Variants in SIL1 observed in about 807,000 individuals in gnomAD.
The protein encoded by SIL1 is SIL1 nucleotide exchange factor.
SIL1 carries 40 observed loss-of-function variants against 49.1 expected under a neutral mutation model. That is an observed-to-expected ratio of 0.81 (90% CI 0.63 to 1.06). The LOEUF (loss-of-function observed/expected upper bound fraction) is 1.06, where lower values mean the gene tolerates loss of function less well. SIL1 is among the 50% of genes least tolerant of loss of function. SIL1 has a pLI of 0.00. For synonymous variants in SIL1, 253 were observed against 250.8 expected, an observed-to-expected ratio of 1.01 and a Z score of -0.08; for missense variants, 500 against 572.6, an observed-to-expected ratio of 0.87 and a Z score of 1.29.
chr5:138,957,833 A>G (rs899379051), intron 7 of SIL1, among the ~76,000 whole-genome samples: 16 of 152,172 alleles, frequency 1.1e-4, no homozygotes, highest in African/African-American at 3.4e-4. Flanking sequence ...TAACACTGAC[A>G]CAGTAATCTA....
intron 5 of SIL1, 25 bp downstream of exon 5, chr5:139,042,595 A>G (rs748241355): frequency 6.3e-7 from 1 of 1,599,320 alleles, no homozygotes; most frequent in South Asian, 1.1e-5. Flanking sequence ...GCAGGCTTAT[A>G]CTCACAGGAA....
At chr5:139,132,151 G>A (rs958995934) in intron 1 of SIL1, among the ~76,000 whole-genome samples, 7 of 152,158 alleles carry the variant, frequency 4.6e-5, no homozygotes, top group Non-Finnish European at 8.8e-5. Context: ...AGAAGAGGAG[G>A]AAGAGCTAAA....
intron 3 of SIL1, among the ~76,000 whole-genome samples, chr5:139,120,791 C>T (rs1020048329): frequency 6.6e-6 from 1 of 152,178 alleles, no homozygotes; most frequent in Non-Finnish European, 1.5e-5. Flanking sequence ...CAATCACTTG[C>T]TCAGAAACCA....
chr5:138,950,493 G>A (rs908144783), intron 9 of SIL1, among the ~76,000 whole-genome samples: 7 of 152,194 alleles, frequency 4.6e-5, no homozygotes, highest in South Asian at 2.1e-4. Context: ...CAGTTCCAGC[G>A]GCTGCCCAGC....
intron 7 of SIL1, among the ~76,000 whole-genome samples, chr5:138,997,786 T>C (rs1367315732): frequency 6.6e-6 from 1 of 152,206 alleles, no homozygotes; most frequent in East Asian, 1.9e-4. Flanking sequence ...CTTGAACTCC[T>C]GACCTCAAGT....
chr5:139,114,422 T>C (rs191771899), intron 3 of SIL1, among the ~76,000 whole-genome samples: 1 of 152,296 alleles, frequency 6.6e-6, no homozygotes, highest in East Asian at 1.9e-4. Context: ...GCCCACCATC[T>C]TTTTTTCTCT....
Position 138,952,373 on chromosome 5 carries a change from G to A in SIL1, c.768-489C>T, listed in dbSNP as rs1391495417. Among the ~76,000 whole-genome samples the A allele has an allele frequency of 4.6e-5, 7 of 152,210 alleles. No individual in the cohort carries two copies. The East Asian group carries it at 5.8e-4, about 13-fold the overall frequency. ...CCCCATCCCTCTCCTCTCCTGGGTC[G>A]GCACTCAGACTGCACATAGAAAATG... On this transcript the variant is annotated intron_variant, in intron 7 of 9. Coordinates refer to ENST00000394817, the MANE Select transcript of SIL1 (RefSeq NM_022464.5).
At chr5:139,143,340 C>CATATATATATATATAT (rs1398396877) in intron 1 of SIL1, among the ~76,000 whole-genome samples, 32 of 85,150 alleles carry the variant, frequency 3.8e-4, no homozygotes, top group South Asian at 8.4e-4. Context: ...CACACACACA[C>CATATATATATATATAT]ACACATATAT....
chr5:138,977,468 T>C (rs1420012878), intron 7 of SIL1, among the ~76,000 whole-genome samples: 1 of 152,112 alleles, frequency 6.6e-6, no homozygotes, highest in Non-Finnish European at 1.5e-5. Context: ...GAGGAATCTT[T>C]TTTTTTTCCT....
chr5:139,154,301 G>A (rs1312098319), intron 1 of SIL1, among the ~76,000 whole-genome samples: 1 of 152,156 alleles, frequency 6.6e-6, no homozygotes, highest in Non-Finnish European at 1.5e-5. Context: ...ACAGATCCAA[G>A]TGCTAGGGCA....
intron 2 of SIL1, among the ~76,000 whole-genome samples, chr5:139,123,851 T>G (rs1750705012): frequency 6.6e-6 from 1 of 152,250 alleles, no homozygotes. Flanking sequence ...TGAAATGTTC[T>G]TATTTTTAGA....
At chr5:138,988,716 T>C (rs1032751218) in intron 7 of SIL1, among the ~76,000 whole-genome samples, 6 of 152,098 alleles carry the variant, frequency 3.9e-5, no homozygotes, top group Non-Finnish European at 8.8e-5. Context: ...CTACAAAAAA[T>C]TTTTAAATTG....
chr5:139,170,829 G>T (rs1458108339), intron 1 of SIL1, among the ~76,000 whole-genome samples: 178 of 149,174 alleles, frequency 1.2e-3, no homozygotes, highest in African/African-American at 4.2e-3. Flanking sequence ...AGGTGGGGGG[G>T]TCAGCCCCCC....
chr5:138,971,498 G>A (rs1384409581), intron 7 of SIL1, among the ~76,000 whole-genome samples: 3 of 152,158 alleles, frequency 2.0e-5, no homozygotes, highest in Non-Finnish European at 4.4e-5. Flanking sequence ...AGTTCCCCCA[G>A]CAGCCAACTC....
At chr5:139,158,577 C>T (rs1300012882) in intron 1 of SIL1, among the ~76,000 whole-genome samples, 1 of 152,204 alleles carries the variant, frequency 6.6e-6, no homozygotes, top group East Asian at 1.9e-4. Flanking sequence ...TCTCAGCAGG[C>T]TGTCACCAGC....
chr5:139,122,094 C>T (rs899210141), intron 2 of SIL1, among the ~76,000 whole-genome samples: 1 of 152,060 alleles, frequency 6.6e-6, no homozygotes, highest in South Asian at 2.1e-4. Flanking sequence ...GGTATTTCAG[C>T]CTGCCCACCT....
At chr5:138,949,902 T>G (rs1766727216) in intron 9 of SIL1, among the ~76,000 whole-genome samples, 1 of 152,044 alleles carries the variant, frequency 6.6e-6, no homozygotes, top group Non-Finnish European at 1.5e-5. Context: ...CAGTGTGTCC[T>G]AAATCTCTCT....
At chr5:139,116,639 T>C (rs1427497468) in intron 3 of SIL1, among the ~76,000 whole-genome samples, 1 of 152,224 alleles carries the variant, frequency 6.6e-6, no homozygotes, top group Non-Finnish European at 1.5e-5. Flanking sequence ...TTAAAAAGAC[T>C]ATGTTGCCAA....
intron 3 of SIL1, among the ~76,000 whole-genome samples, chr5:139,056,706 C>T (rs1450644404): frequency 1.3e-5 from 2 of 151,024 alleles, no homozygotes; most frequent in Admixed American, 1.3e-4. Context: ...GGGCGTCAGC[C>T]CCCCGCCCGG....
Sources: allele counts gnomAD v4.1 joint callset (sites outside exome capture counted in the v4.1 genomes callset), GRCh38; gene constraint gnomAD v4.1.1; transcripts MANE v1.5; gene names NCBI Gene and HGNC (gene_info 2026-07-23, HGNC 2026-07-21).